The following NCOA7 variants were observed in gnomAD, a reference collection of about 807,000 sequenced individuals.
NCOA7 encodes the protein 140 kDa estrogen receptor-associated protein.
Under a neutral mutation model 104.3 loss-of-function variants are expected in NCOA7, and 45 were observed. The observed-to-expected ratio is 0.43, with a 90% CI of 0.34 to 0.55. NCOA7 has a LOEUF of 0.55. Among genes scored for constraint, NCOA7 ranks in the 20% least tolerant of loss-of-function variants. The pLI is 0.02. For missense variants in NCOA7, 1,041 were observed against 1,119.7 expected (o/e 0.93, Z 1.00); for synonymous variants, 398 against 402.3 (o/e 0.99, Z 0.13).
At chr6:125,899,492 G>A (rs1282143452) in intron 10 of NCOA7, among the ~76,000 whole-genome samples, 1 of 152,102 alleles carries the variant, frequency 6.6e-6, no homozygotes, top group African/African-American at 2.4e-5. Flanking sequence ...CAAACCCTGT[G>A]ATTCGTAAGT....
intron 3 of NCOA7, among the ~76,000 whole-genome samples, chr6:125,858,365 G>C (rs1030001129): frequency 2.0e-5 from 3 of 152,126 alleles, no homozygotes; most frequent in African/African-American, 7.2e-5. Flanking sequence ...ATGTGGCCAG[G>C]CTCAGTGGTT....
chr6:125,828,597 A>G (rs1778868519), intron 2 of NCOA7, among the ~76,000 whole-genome samples: 1 of 152,210 alleles, frequency 6.6e-6, no homozygotes, highest in African/African-American at 2.4e-5. Context: ...TTGTTGGCTA[A>G]TGAGGATGGT....
At chr6:125,815,189 T>C in intron 1 of NCOA7, 102 bp from the exon 2 acceptor site, 1 of 434,426 alleles carries the variant, frequency 2.3e-6, no homozygotes, top group Non-Finnish European at 4.1e-6. Flanking sequence ...TAAAGTTTAT[T>C]TTTCATTTGT....
chr6:125,835,581 A>G (rs1184428518), intron 2 of NCOA7, among the ~76,000 whole-genome samples: 1 of 152,190 alleles, frequency 6.6e-6, no homozygotes, highest in East Asian at 1.9e-4. Flanking sequence ...CAGAATCTCT[A>G]TTATGCAACA....
Position 125,915,348 on chromosome 6 carries a change from C to A in NCOA7, c.2112C>A (p.Tyr704Ter). 1 of 1,613,692 alleles carries A rather than the reference C, an allele frequency of 6.2e-7. No homozygotes were observed. The highest frequency in any genetic ancestry group is 1.7e-5 in the Admixed American group (1 of 60,000). ...AVPRERVDHLYTFFVQWSPDV... is the reference protein window; with the variant it reads ...AVPRERVDHL ...TGTTTTTCAGGGTGGATCATTTGTA[C>A]ACATTCTTTGTTCAGTGGTCTCCCG... Residue 704 changes from tyrosine to a stop codon, truncating the protein, a stop_gained, in exon 11 of 16, where the codon TAC becomes TAA. Transcript: ENST00000392477. LOFTEE classifies it high-confidence loss of function.
chr6:125,825,777 C>T (rs1415110445), intron 2 of NCOA7, among the ~76,000 whole-genome samples: 1 of 151,966 alleles, frequency 6.6e-6, no homozygotes, highest in Admixed American at 6.6e-5. Flanking sequence ...GATAGTTCTT[C>T]TACTATGCCA....
chr6:125,831,834 T>G (rs1583321457), intron 2 of NCOA7, among the ~76,000 whole-genome samples: 1 of 152,232 alleles, frequency 6.6e-6, no homozygotes, highest in African/African-American at 2.4e-5. Flanking sequence ...TCACTTTCTA[T>G]GCCTGTTCCT....
intron 3 of NCOA7, among the ~76,000 whole-genome samples, chr6:125,871,395 C>T (rs181871423): frequency 1.3e-5 from 2 of 152,366 alleles, no homozygotes; most frequent in Admixed American, 1.3e-4. Flanking sequence ...TGTGCTGCAG[C>T]ACCCAGTCCC....
intron 1 of NCOA7, among the ~76,000 whole-genome samples, chr6:125,807,110 C>T (rs1272181347): frequency 6.6e-6 from 1 of 152,128 alleles, no homozygotes; most frequent in Non-Finnish European, 1.5e-5. Flanking sequence ...AGCCACCGAC[C>T]TCTCTCCCTC....
chr6:125,815,828 G>A (rs1562817187), intron 2 of NCOA7, among the ~76,000 whole-genome samples: 2 of 152,174 alleles, frequency 1.3e-5, no homozygotes, highest in South Asian at 4.1e-4. Context: ...AAATATTTTT[G>A]TAGGTAGGTG....
chr6:125,837,546 C>T (rs891656509), intron 2 of NCOA7, among the ~76,000 whole-genome samples: 15 of 152,112 alleles, frequency 9.9e-5, no homozygotes, highest in African/African-American at 3.4e-4. Context: ...CTTTTTGAAA[C>T]CCTTCCCATA....
At chr6:125,911,729 A>G (rs887393189) in intron 10 of NCOA7, among the ~76,000 whole-genome samples, 3 of 152,162 alleles carry the variant, frequency 2.0e-5, no homozygotes, top group African/African-American at 7.2e-5. Context: ...TCCATTAAGC[A>G]TCGTGACTCT....
intron 11 of NCOA7, 94 bp downstream of exon 11, chr6:125,915,574 A>G: frequency 6.8e-7 from 1 of 1,475,624 alleles, no homozygotes; most frequent in Non-Finnish European, 9.4e-7. Flanking sequence ...GTAAGAAACT[A>G]GAGTCCCTGT....
chr6:125,844,253 A>G (rs952520640), intron 2 of NCOA7, among the ~76,000 whole-genome samples: 2 of 152,234 alleles, frequency 1.3e-5, no homozygotes, highest in African/African-American at 4.8e-5. Context: ...ATTGCTAGTT[A>G]TTGAACACAA....
chr6:125,917,767 G>A (rs1265111595), intron 11 of NCOA7, among the ~76,000 whole-genome samples: 3 of 152,174 alleles, frequency 2.0e-5, no homozygotes, highest in Non-Finnish European at 4.4e-5. Flanking sequence ...GAAAAGAGGA[G>A]GGTAGAAAAA....
chr6:125,811,632 CA>C (rs1025110770), intron 1 of NCOA7, among the ~76,000 whole-genome samples: 17 of 152,070 alleles, frequency 1.1e-4, no homozygotes, highest in Non-Finnish European at 1.5e-4. Flanking sequence ...GGGAGACGCC[CA>C]GGGGGTTCAA....
At chr6:125,795,050 C>T (rs759709502) in intron 1 of NCOA7, among the ~76,000 whole-genome samples, 1 of 152,168 alleles carries the variant, frequency 6.6e-6, no homozygotes, top group Non-Finnish European at 1.5e-5. Context: ...GGAGTTAATT[C>T]TTCATACTGA....
intron 2 of NCOA7, among the ~76,000 whole-genome samples, chr6:125,820,221 C>T (rs1450730395): frequency 1.3e-5 from 2 of 152,188 alleles, no homozygotes; most frequent in African/African-American, 4.8e-5. Context: ...TTTCTTAGCT[C>T]CCATCTCCAG....
chr6:125,886,910 A>G (rs144662754), intron 8 of NCOA7, among the ~76,000 whole-genome samples: 224 of 152,372 alleles, frequency 1.5e-3, no homozygotes, highest in Admixed American at 2.9e-3. Context: ...GCGCGTGCAC[A>G]CACGTGCAGG....
Sources: allele counts gnomAD v4.1 joint callset (sites outside exome capture counted in the v4.1 genomes callset), GRCh38; gene constraint gnomAD v4.1.1; transcripts MANE v1.5; gene names NCBI Gene and HGNC (gene_info 2026-07-23, HGNC 2026-07-21).